Variants in SGCZ observed in about 807,000 individuals in gnomAD.
The protein encoded by SGCZ is sarcoglycan zeta, also known as zeta-sarcoglycan.
Under a neutral mutation model 41.3 loss-of-function variants are expected in SGCZ, and 40 were observed. The ratio of observed to expected loss-of-function variants is 0.97; its 90% CI spans 0.75 to 1.26. The LOEUF is 1.26. Among genes scored for constraint, SGCZ ranks in the 50% most tolerant of loss-of-function variants. The pLI, the probability that SGCZ is intolerant of heterozygous loss-of-function variation, is 0.00. For synonymous variants in SGCZ, 206 were observed against 137.5 expected (o/e 1.50, Z -3.49); for missense variants, 552 against 369.8 (o/e 1.49, Z -4.04).
intron 3 of SGCZ, among the ~76,000 whole-genome samples, chr8:14,281,516 T>A (rs139262231): frequency 6.6e-6 from 1 of 151,980 alleles, no homozygotes; most frequent in Non-Finnish European, 1.5e-5. Flanking sequence ...AAAATTCAAA[T>A]TGAATATACA....
At chr8:14,194,849 G>C (rs1313153639) in intron 4 of SGCZ, among the ~76,000 whole-genome samples, 2 of 151,710 alleles carry the variant, frequency 1.3e-5, no homozygotes, top group African/African-American at 4.8e-5. Flanking sequence ...TAGGCCATGG[G>C]GCACTGGTAT....
intron 2 of SGCZ, among the ~76,000 whole-genome samples, chr8:14,473,897 C>A (rs547676123): frequency 2.7e-5 from 4 of 149,030 alleles, no homozygotes; most frequent in African/African-American, 9.9e-5. Context: ...AAGATCACAC[C>A]ACTGCACTCC....
At chr8:14,274,723 T>C (rs1800171842) in intron 3 of SGCZ, among the ~76,000 whole-genome samples, 1 of 140,440 alleles carries the variant, frequency 7.1e-6, no homozygotes, top group African/African-American at 2.8e-5. Flanking sequence ...CCACATATAA[T>C]TTTTTTCACA....
chr8:14,108,745 C>G (rs751814456), intron 5 of SGCZ, among the ~76,000 whole-genome samples: 1 of 152,006 alleles, frequency 6.6e-6, no homozygotes, highest in African/African-American at 2.4e-5. Flanking sequence ...AAGAATATCA[C>G]CAGGCAGGGA....
intron 1 of SGCZ, among the ~76,000 whole-genome samples, chr8:15,112,999 A>C (rs1807128074): frequency 6.6e-6 from 1 of 152,186 alleles, no homozygotes; most frequent in Non-Finnish European, 1.5e-5. Context: ...GCTTGGGCCC[A>C]GGAGTTTGAG....
intron 1 of SGCZ, among the ~76,000 whole-genome samples, chr8:14,827,581 T>C (rs1802377522): frequency 6.6e-6 from 1 of 152,120 alleles, no homozygotes; most frequent in African/African-American, 2.4e-5. Context: ...GGGAAGGAAC[T>C]GCACGGGTTG....
rs982184279 is a variant in SGCZ at position 14,268,254 on chromosome 8, T to C, written c.337-30575A>G. On this transcript the variant is annotated intron_variant, in intron 3 of 7. Transcript: ENST00000382080. Reference sequence around the variant, plus strand: ...ATGTATAGAAATTATATACAATTTCTGTTTGTATTGTCTTCCCTACTCCCA... The same window carrying C: ...ATGTATAGAAATTATATACAATTTCCGTTTGTATTGTCTTCCCTACTCCCA... Among the ~76,000 whole-genome samples, 4 of 149,484 alleles carry C rather than the reference T, an allele frequency of 2.7e-5. No individual in the cohort carries two copies. In the Admixed American group the frequency reaches 2.7e-4, roughly 10 times the overall value.
intron 1 of SGCZ, among the ~76,000 whole-genome samples, chr8:14,845,003 A>C (rs1803050350): frequency 6.6e-6 from 1 of 152,218 alleles, no homozygotes; most frequent in Non-Finnish European, 1.5e-5. Context: ...AAAGGCAGCT[A>C]GAATTTACAA....
rs115062435 is a variant in SGCZ at position 15,164,347 on chromosome 8, G to A, written c.39+73238C>T. Among the ~76,000 whole-genome samples, 950 of 152,102 alleles carry A rather than the reference G, an allele frequency of 6.2e-3. 12 individuals carry two copies. The highest frequency in any genetic ancestry group is 0.022 in the African/African-American group (893 of 41,486). ...CTTTTACAGGACCCACCGGTGAGCA[G>A]CAGCTCCCAGCCGCTCCCCACTCCA... On this transcript the variant is annotated intron_variant, in intron 1 of 7. Transcript: ENST00000382080.
chr8:14,387,478 G>A (rs980160257), intron 2 of SGCZ, among the ~76,000 whole-genome samples: 3 of 152,104 alleles, frequency 2.0e-5, no homozygotes, highest in Non-Finnish European at 4.4e-5. Context: ...AGTTTAAAGT[G>A]TTCACATTCA....
chr8:14,870,354 T>A (rs1364376112), intron 1 of SGCZ, among the ~76,000 whole-genome samples: 1 of 152,124 alleles, frequency 6.6e-6, no homozygotes, highest in Non-Finnish European at 1.5e-5. Flanking sequence ...CCCAGTTTAA[T>A]AAATGTGGTT....
At chr8:14,670,360 T>C (rs894013540) in intron 1 of SGCZ, among the ~76,000 whole-genome samples, 1 of 152,174 alleles carries the variant, frequency 6.6e-6, no homozygotes, top group East Asian at 1.9e-4. Context: ...TCAATTTATA[T>C]CTAATACTGT....
intron 4 of SGCZ, among the ~76,000 whole-genome samples, chr8:14,218,124 G>C (rs113136777): frequency 4.6e-5 from 7 of 152,238 alleles, no homozygotes; most frequent in Admixed American, 1.3e-4. Context: ...CCCCTAGGCA[G>C]TATAATAAGG....
At chr8:14,408,011 A>G (rs1001829125) in intron 2 of SGCZ, among the ~76,000 whole-genome samples, 2 of 152,200 alleles carry the variant, frequency 1.3e-5, no homozygotes, top group Non-Finnish European at 1.5e-5. Flanking sequence ...AATGATATGT[A>G]TAAATAAGGG....
chr8:14,282,511 C>G (rs1800480955), intron 3 of SGCZ, among the ~76,000 whole-genome samples: 2 of 152,126 alleles, frequency 1.3e-5, no homozygotes, highest in Non-Finnish European at 2.9e-5. Flanking sequence ...CTCAGCACCC[C>G]TATTCTTGGT....
At chr8:14,147,557 A>T (rs1803564657) in intron 5 of SGCZ, among the ~76,000 whole-genome samples, 1 of 152,176 alleles carries the variant, frequency 6.6e-6, no homozygotes, top group Admixed American at 6.5e-5. Context: ...GGACATCCAA[A>T]TATATAGAGG....
At chr8:15,016,974 C>A (rs912405279) in intron 1 of SGCZ, among the ~76,000 whole-genome samples, 1 of 152,134 alleles carries the variant, frequency 6.6e-6, no homozygotes, top group Non-Finnish European at 1.5e-5. Context: ...AGTAGGACAG[C>A]AAGCCATTCC....
intron 1 of SGCZ, among the ~76,000 whole-genome samples, chr8:14,699,224 TAAATCTC>T (rs1809060024): frequency 6.7e-6 from 1 of 149,566 alleles, no homozygotes; most frequent in African/African-American, 2.4e-5. Context: ...ATATAATATA[TAAATCTC>T]ATATATATAT....
chr8:15,077,713 A>G (rs1437897799), intron 1 of SGCZ, among the ~76,000 whole-genome samples: 3 of 152,218 alleles, frequency 2.0e-5, no homozygotes, highest in African/African-American at 7.2e-5. Flanking sequence ...TCAAATTAGT[A>G]TCTTCCTCCT....
Sources: gnomAD v4.1 joint callset for allele counts (sites outside exome capture counted in the v4.1 genomes callset) on GRCh38, gnomAD v4.1.1 for gene constraint, MANE v1.5 for transcripts, NCBI Gene and HGNC (gene_info 2026-07-23, HGNC 2026-07-21) for gene names.